Variants in EIF3A observed in about 807,000 individuals in gnomAD.
EIF3A encodes eukaryotic translation initiation factor 3 subunit A.
A neutral mutation model predicts 186.6 loss-of-function variants in EIF3A; 21 were observed. The ratio of observed to expected loss-of-function variants is 0.11; its 90% CI spans 0.08 to 0.16. The LOEUF is 0.16. Among genes scored for constraint, EIF3A ranks in the 10% least tolerant of loss-of-function variants. The pLI, the probability that EIF3A is intolerant of heterozygous loss-of-function variation, is 1.00. For synonymous variants in EIF3A, 563 were observed against 584.3 expected (o/e 0.96, Z 0.52); for missense variants, 1,306 against 1,796.3 (o/e 0.73, Z 4.93).
At chr10:119,043,674 A>G (rs1848245388) in intron 18 of EIF3A, among the ~76,000 whole-genome samples, 1 of 151,990 alleles carries the variant, frequency 6.6e-6, no homozygotes, top group Non-Finnish European at 1.5e-5. Context: ...CATCCCAGCA[A>G]TTTGAGAGGC....
Position 119,061,217 on chromosome 10 carries a change from G to C in EIF3A, c.1227+7C>G. The C allele has an allele frequency of 6.7e-7, 1 of 1,500,816 alleles. No individual in the cohort carries two copies. Among genetic ancestry groups the C allele is most frequent in the Non-Finnish European group, 9.2e-7 (1 of 1,091,788 alleles). 93.0% of individuals were successfully genotyped at this position (1,500,816 alleles called of 1,614,324 possible). A position where few individuals can be genotyped will look rare whatever the true frequency, so the allele number is the denominator to read the frequency against. On this transcript the variant is annotated splice_region_variant and intron_variant, in intron 8 of 21. Transcript: ENST00000369144. Reference sequence around the variant, plus strand: ...GTAACAACCAGAACTTAAATACAAAGGCTTACCTTTGTGACTCGCTCACAG... The same window carrying C: ...GTAACAACCAGAACTTAAATACAAACGCTTACCTTTGTGACTCGCTCACAG...
chr10:119,063,358 A>AG (rs1223471071), intron 7 of EIF3A, among the ~76,000 whole-genome samples: 1 of 152,220 alleles, frequency 6.6e-6, no homozygotes, highest in Non-Finnish European at 1.5e-5. Flanking sequence ...TATGTCACAA[A>AG]GGAAAAATGC....
chr10:119,039,925 T>C (rs1848185452), intron 19 of EIF3A, among the ~76,000 whole-genome samples: 2 of 152,192 alleles, frequency 1.3e-5, no homozygotes, highest in Non-Finnish European at 2.9e-5. Flanking sequence ...CCTAACCTTG[T>C]ATTTACCCTA....
At chr10:119,075,526 C>CATTCATTA (rs1406624557) in intron 1 of EIF3A, among the ~76,000 whole-genome samples, 3 of 145,450 alleles carry the variant, frequency 2.1e-5, no homozygotes, top group East Asian at 4.1e-4. Context: ...TTCATCTTAA[C>CATTCATTA]ATTCATTAAT....
Position 119,056,814 on chromosome 10 carries a change from G to C in EIF3A, c.2122C>G (p.Pro708Ala), listed in dbSNP as rs774812566. ...TCCTCGTAAGCGCTCTTTATCAAAGGAATTTCTTCCAAACGTTTGGCTCTT... is the reference window on the plus strand; with the variant it reads ...TCCTCGTAAGCGCTCTTTATCAAAGCAATTTCTTCCAAACGTTTGGCTCTT... ...FERAKRLEEI[P>A]LIKSAYEEQR... Residue 708 changes from proline to alanine, a missense_variant, in exon 14 of 22, where the codon CCT (proline) becomes GCT (alanine). This residue lies in a region of EIF3A where 94 missense variants were observed against 204.9 expected (regional missense o/e 0.46). Coordinates refer to ENST00000369144, the MANE Select transcript of EIF3A (RefSeq NM_003750.4). The C allele has an allele frequency of 6.2e-7, 1 of 1,613,676 alleles. No individual in the cohort carries two copies. Among genetic ancestry groups the C allele is most frequent in the South Asian group, 1.1e-5 (1 of 91,068 alleles).
chr10:119,043,855 G>A (rs1848247577), intron 18 of EIF3A, among the ~76,000 whole-genome samples, 199 bp downstream of exon 18: 1 of 152,058 alleles, frequency 6.6e-6, no homozygotes, highest in South Asian at 2.1e-4. Flanking sequence ...AGGTTGCAGG[G>A]AGCCGAGATA....
At chr10:119,074,358 A>G (rs1327414077) in intron 1 of EIF3A, among the ~76,000 whole-genome samples, 1 of 152,094 alleles carries the variant, frequency 6.6e-6, no homozygotes, top group Non-Finnish European at 1.5e-5. Flanking sequence ...CCAGCTACTG[A>G]GGAGGCTGAG....
At chr10:119,075,927 C>A (rs534138259) in intron 1 of EIF3A, among the ~76,000 whole-genome samples, 1 of 129,646 alleles carries the variant, frequency 7.7e-6, no homozygotes, top group Admixed American at 8.5e-5. Flanking sequence ...GGGGTTTCAC[C>A]GTGTTAGCCA....
intron 6 of EIF3A, among the ~76,000 whole-genome samples, 159 bp from the exon 7 acceptor site, chr10:119,065,729 G>A (rs1486573305): frequency 6.6e-6 from 1 of 152,204 alleles, no homozygotes; most frequent in South Asian, 2.1e-4. Context: ...CAAAGCATGG[G>A]AGTAAGAGAA....
Position 119,053,560 on chromosome 10 carries a change from A to T in EIF3A, c.2197-2239T>A, listed in dbSNP as rs906801104. 2.2e-3 allele frequency among the ~76,000 whole-genome samples: 43 copies of T among 19,234 alleles called. 1 individual carries two copies. The highest frequency in any genetic ancestry group is 0.016 in the African/African-American group (42 of 2,644). 12.6% of individuals were successfully genotyped at this position (19,234 alleles called of 152,430 possible). A position where few individuals can be genotyped will look rare whatever the true frequency, so the allele number is the denominator to read the frequency against. ...GAGCCTGTCTCCACTAAAAATACAA[A>T]AAAAAAAAAAAAAAAAAAGCTAGGC... is the stretch of plus-strand genomic sequence containing the variant. On this transcript the variant is annotated intron_variant, in intron 14 of 21. Coordinates refer to ENST00000369144, the MANE Select transcript of EIF3A (RefSeq NM_003750.4).
At chr10:119,076,539 T>C (rs1169776851) in intron 1 of EIF3A, among the ~76,000 whole-genome samples, 1 of 150,694 alleles carries the variant, frequency 6.6e-6, no homozygotes, top group Non-Finnish European at 1.5e-5. Context: ...ACTAGATATT[T>C]TGTTGAAATA....
At chr10:119,051,975 G>A (rs1449257016) in intron 14 of EIF3A, among the ~76,000 whole-genome samples, 3 of 152,142 alleles carry the variant, frequency 2.0e-5, no homozygotes, top group African/African-American at 4.8e-5. Context: ...CAATGTTGAC[G>A]ACTGCTGAAT....
At chr10:119,049,667 A>C (rs1848330081) in intron 17 of EIF3A, 134 bp downstream of exon 17, 1 of 715,430 alleles carries the variant, frequency 1.4e-6, no homozygotes, top group African/African-American at 1.8e-5. Flanking sequence ...CACGAGAATC[A>C]CTTGAACCCG....
Position 119,057,887 on chromosome 10 carries a change from G to C in EIF3A, c.1977+69C>G. On this transcript the variant is annotated intron_variant, in intron 12 of 21. Coordinates refer to ENST00000369144, the MANE Select transcript of EIF3A (RefSeq NM_003750.4). ...ACCCAGTAAGCCAACAAATGGTAAA[G>C]GACTGTGGTTCTAAGAGTACAAAAT... The C allele has an allele frequency of 4.0e-6, 5 of 1,235,630 alleles. No individual in the cohort carries two copies. In the South Asian group the frequency reaches 7.1e-5, roughly 18 times the overall value. 76.5% of individuals were successfully genotyped at this position (1,235,630 alleles called of 1,614,324 possible). A position where few individuals can be genotyped will look rare whatever the true frequency, so the allele number is the denominator to read the frequency against.
rs1843794631 is a variant in EIF3A, at chr10:119,057,065, T to C, written c.1978-25A>G. 7.1e-7 allele frequency: 1 copy of C among 1,406,970 alleles called. No individual in the cohort carries two copies. Among genetic ancestry groups the C allele is most frequent in the Non-Finnish European group, 9.9e-7 (1 of 1,009,264 alleles). The allele number at this position is 1,406,970 out of a possible 1,614,324, so 87.2% of individuals were successfully genotyped here. ...CCTGAAAGGTAATACAAATGCACAA[T>C]TGTTAATAAAGAGAAACAAGCAATG... On this transcript the variant is annotated intron_variant, in intron 12 of 21. Transcript: ENST00000369144.
At chr10:119,065,340 T>TA (rs1481119224) in intron 7 of EIF3A, 59 bp downstream of exon 7, 3 of 1,290,746 alleles carry the variant, frequency 2.3e-6, no homozygotes, top group African/African-American at 2.9e-5. Flanking sequence ...CATGAGTTAT[T>TA]AAACCTGACC....
chr10:119,060,768 G>C lies in EIF3A; in HGVS notation c.1304C>G (p.Thr435Ser). 6.2e-7 allele frequency: 1 copy of C among 1,609,616 alleles called. No homozygotes were observed. The highest frequency in any genetic ancestry group is 1.1e-5 in the South Asian group (1 of 89,838). ...TACCTGCTGCAGAAGGCGGAGGATGGTGTTGTTTTGCAGTTGTGGCACATA... is the reference window on the plus strand; with the variant it reads ...TACCTGCTGCAGAAGGCGGAGGATGCTGTTGTTTTGCAGTTGTGGCACATA... ...QQYVPQLQNN[T>S]ILRLLQQVSQ... The change falls in exon 9 of 22, where the codon ACC (threonine) becomes AGC (serine). Residue 435 changes from threonine (T) to serine (S), a missense_variant. By Grantham distance (58) the Thr-to-Ser change is moderately conservative. This residue lies in a region of EIF3A where 267 missense variants were observed against 367.8 expected (regional missense o/e 0.73). Transcript: ENST00000369144.
At position 119,051,469 on chromosome 10, in the gene EIF3A, G is replaced by A. The variant is rs576335414; in HGVS notation, c.2197-148C>T. On this transcript the variant is annotated intron_variant, in intron 14 of 21. Transcript: ENST00000369144. ...AAATGAAAACGTTAACTACATCCAT[G>A]TCAATAGGTCCCCAGAAGGCAATTA... is the stretch of plus-strand genomic sequence containing the variant. 2.1e-4 allele frequency: 149 copies of A among 713,444 alleles called. 4 individuals are homozygous for A. In the East Asian group the frequency reaches 4.7e-3, roughly 23 times the overall value. 44.2% of individuals were successfully genotyped at this position (713,444 alleles called of 1,614,324 possible). A position where few individuals can be genotyped will look rare whatever the true frequency, so the allele number is the denominator to read the frequency against.
chr10:119,038,075 C>A, intron 20 of EIF3A, 163 bp downstream of exon 20: 3 of 628,918 alleles, frequency 4.8e-6, no homozygotes, highest in Non-Finnish European at 5.6e-6. Context: ...CGCCACCACG[C>A]CCGGCTAATT....
Sources: allele counts gnomAD v4.1 joint callset (sites outside exome capture counted in the v4.1 genomes callset), GRCh38; gene constraint gnomAD v4.1.1; regional missense constraint gnomAD v4.1.1; transcripts MANE v1.5; gene names NCBI Gene and HGNC (gene_info 2026-07-23, HGNC 2026-07-21).